The following MEIKIN variants were observed in gnomAD, a reference collection of about 807,000 sequenced individuals.
MEIKIN encodes the protein meiosis-specific kinetochore protein.
chr5:131,889,844 G>C (rs1750875305), intron 8 of MEIKIN, among the ~76,000 whole-genome samples: 1 of 152,148 alleles, frequency 6.6e-6, no homozygotes, highest in Admixed American at 6.5e-5. Flanking sequence ...TATTGGCTGT[G>C]GGTTTGTCAT....
rs563734336 is a variant in MEIKIN, at chr5:131,813,377, C to G, written c.1099+5363G>C. On this transcript the variant is annotated intron_variant, in intron 12 of 12. Transcript: ENST00000442687. The stretch of plus-strand genomic sequence containing the variant: ...AGTGGGCAGAACTGAGAGGAGTGCA[C>G]CCGGTTGTGTGCTTTGTTGAAAGGA... 1.4e-4 allele frequency among the ~76,000 whole-genome samples: 22 copies of G among 152,170 alleles called. No homozygotes were observed. In the East Asian group the frequency reaches 2.5e-3, roughly 17 times the overall value.
At chr5:131,900,170 A>G (rs770428431) in intron 8 of MEIKIN, among the ~76,000 whole-genome samples, 3 of 152,250 alleles carry the variant, frequency 2.0e-5, no homozygotes, top group Non-Finnish European at 4.4e-5. Context: ...CTACAAGTCA[A>G]TAACAAGAGG....
chr5:131,896,215 A>G (rs201629654), intron 8 of MEIKIN, among the ~76,000 whole-genome samples: 1 of 152,212 alleles, frequency 6.6e-6, no homozygotes, highest in African/African-American at 2.4e-5. Context: ...TTTCTTAATC[A>G]TGAGTTCTAA....
Position 131,806,993 on chromosome 5 carries a change from G to C in MEIKIN, c.*243C>G, listed in dbSNP as rs948828232. 3.1e-6 allele frequency: 1 copy of C among 321,594 alleles called. No individual in the cohort carries two copies. Among genetic ancestry groups the C allele is most frequent in the African/African-American group, 2.1e-5 (1 of 46,782 alleles). 19.9% of individuals were successfully genotyped at this position (321,594 alleles called of 1,614,324 possible). A position where few individuals can be genotyped will look rare whatever the true frequency, so the allele number is the denominator to read the frequency against. ...TACAGTCTTCTAATACCAATGATTTGGTTCTTTATCTTTTAATATAAATAC... is the reference window on the plus strand; with the variant it reads ...TACAGTCTTCTAATACCAATGATTTCGTTCTTTATCTTTTAATATAAATAC... On this transcript the variant is annotated 3_prime_UTR_variant, in exon 13 of 13. Coordinates refer to ENST00000442687, the MANE Select transcript of MEIKIN (RefSeq NM_001303622.2).
chr5:131,927,152 C>T (rs1751600464), intron 5 of MEIKIN, among the ~76,000 whole-genome samples: 1 of 150,184 alleles, frequency 6.7e-6, no homozygotes. Context: ...ACTGCTTTTG[C>T]TATATCCCAC....
chr5:131,834,624 T>C (rs561550664), intron 11 of MEIKIN, among the ~76,000 whole-genome samples: 18 of 152,326 alleles, frequency 1.2e-4, no homozygotes, highest in African/African-American at 4.1e-4. Flanking sequence ...CATACTGTCA[T>C]CCAGGTTCAT....
chr5:131,890,946 C>T (rs1005448912), intron 8 of MEIKIN, among the ~76,000 whole-genome samples: 2 of 152,138 alleles, frequency 1.3e-5, no homozygotes, highest in Non-Finnish European at 2.9e-5. Flanking sequence ...CAAAGAACAT[C>T]TTTATTTCTG....
At chr5:131,828,572 C>G (rs550349397) in intron 11 of MEIKIN, among the ~76,000 whole-genome samples, 50 of 152,168 alleles carry the variant, frequency 3.3e-4, no homozygotes, top group African/African-American at 1.1e-3. Flanking sequence ...ATACAGGAAG[C>G]CCAATCTCCA....
intron 8 of MEIKIN, among the ~76,000 whole-genome samples, chr5:131,904,228 T>G (rs1299013340): frequency 6.6e-6 from 1 of 152,096 alleles, no homozygotes; most frequent in South Asian, 2.1e-4. Context: ...AATGGGACAT[T>G]TAAACACCCA....
intron 9 of MEIKIN, among the ~76,000 whole-genome samples, chr5:131,858,766 A>G (rs1026443498): frequency 9.2e-5 from 14 of 152,242 alleles, no homozygotes; most frequent in African/African-American, 3.4e-4. Context: ...AAAAGTGGGC[A>G]AAGGCATAAA....
intron 8 of MEIKIN, among the ~76,000 whole-genome samples, chr5:131,885,364 AGAGAGAGAGAGAGAGAGAGAGAGAG>A (rs1750769120): frequency 1.1e-4 from 7 of 63,060 alleles, no homozygotes; most frequent in African/African-American, 3.5e-4. Flanking sequence ...AGAGAGAGAG[AGAGAGAGAGAGAGAGAGAGAGAGAG>A]AGAGAGAGAG....
chr5:131,880,152 C>T (rs1224532627), intron 8 of MEIKIN, among the ~76,000 whole-genome samples: 1 of 151,726 alleles, frequency 6.6e-6, no homozygotes, highest in South Asian at 2.1e-4. Flanking sequence ...TGCAGTGGCG[C>T]GATCTAGGCT....
At chr5:131,913,931 G>A (rs1432416421) in intron 7 of MEIKIN, among the ~76,000 whole-genome samples, 1 of 152,206 alleles carries the variant, frequency 6.6e-6, no homozygotes, top group Non-Finnish European at 1.5e-5. Flanking sequence ...AATAGCCAAC[G>A]TGGTAGTATT....
intron 9 of MEIKIN, among the ~76,000 whole-genome samples, chr5:131,874,266 A>G (rs1750566290): frequency 1.3e-5 from 2 of 152,200 alleles, no homozygotes; most frequent in Non-Finnish European, 2.9e-5. Flanking sequence ...AATAAAGAAG[A>G]AAAGAGAGAA....
intron 8 of MEIKIN, among the ~76,000 whole-genome samples, chr5:131,882,403 C>T (rs955653263): frequency 2.0e-5 from 3 of 152,162 alleles, no homozygotes; most frequent in Non-Finnish European, 2.9e-5. Context: ...CTCCAGTTTA[C>T]AGCTTGCTCC....
chr5:131,838,578 G>A (rs1749852146), intron 11 of MEIKIN, among the ~76,000 whole-genome samples: 2 of 150,616 alleles, frequency 1.3e-5, no homozygotes, highest in African/African-American at 2.4e-5. Flanking sequence ...GAAGGTGTAT[G>A]TGGAGGGTGC....
At chr5:131,936,863 G>A (rs182329362) in intron 4 of MEIKIN, among the ~76,000 whole-genome samples, 16 of 152,172 alleles carry the variant, frequency 1.1e-4, no homozygotes, top group Non-Finnish European at 1.9e-4. Flanking sequence ...GAACCACAGC[G>A]CCCGGCCTTG....
intron 9 of MEIKIN, among the ~76,000 whole-genome samples, chr5:131,859,296 T>A (rs1309080183): frequency 6.6e-6 from 1 of 152,160 alleles, no homozygotes; most frequent in African/African-American, 2.4e-5. Context: ...CATTTTGAGT[T>A]GATTTTGGTA....
intron 8 of MEIKIN, among the ~76,000 whole-genome samples, chr5:131,907,163 C>T (rs181945296): frequency 7.4e-4 from 113 of 151,928 alleles, no homozygotes; most frequent in Middle Eastern, 3.4e-3. Flanking sequence ...ATACAACATA[C>T]CAAAACCTAC....
Sources: gnomAD v4.1 joint callset for allele counts (sites outside exome capture counted in the v4.1 genomes callset) on GRCh38, gnomAD v4.1.1 for gene constraint, MANE v1.5 for transcripts, NCBI Gene and HGNC (gene_info 2026-07-23, HGNC 2026-07-21) for gene names.